MYOF: variants seen among roughly 807,000 people sequenced by gnomAD.
The protein encoded by MYOF is fer-1-like 3, myoferlin.
In MYOF, 244 loss-of-function variants were observed where a neutral mutation model predicts 284.2. The observed-to-expected ratio is 0.86, with a 90% CI of 0.77 to 0.95. The LOEUF (loss-of-function observed/expected upper bound fraction) is 0.95, where lower values mean the gene tolerates loss of function less well. Among genes scored for constraint, MYOF ranks in the 40% least tolerant of loss-of-function variants. The probability of loss-of-function intolerance (pLI) is 0.00; values close to 1 mark genes in which losing one functional copy is unlikely to be tolerated. For synonymous variants in MYOF, 904 were observed against 919.7 expected, an observed-to-expected ratio of 0.98 and a Z score of 0.31; for missense variants, 2,496 against 2,560.6, an observed-to-expected ratio of 0.97 and a Z score of 0.54.
At position 93,374,829 on chromosome 10, in the gene MYOF, T is replaced by C. The variant is rs1033252289; in HGVS notation, c.2235A>G (p.Thr745=). 2.2e-5 allele frequency: 36 copies of C among 1,614,084 alleles called. No individual in the cohort carries two copies. Among genetic ancestry groups the C allele is most frequent in the Non-Finnish European group, 2.9e-5 (34 of 1,180,034 alleles). The change falls in exon 23 of 54, where the codon ACA becomes ACG. Residue 745 remains threonine, a synonymous_variant. Transcript: ENST00000359263. ...EAAVRMRSEA[T]DVKSTLAEIE... is the part of the protein sequence containing the mutation. ...TTTCTGCCAGTGTGGACTTCACATC[T>C]GTGGCTTCCGACCTCATCCTCACAG...
chr10:93,465,533 C>CTTTCCT (rs2056985774), intron 1 of MYOF, among the ~76,000 whole-genome samples: 1 of 53,224 alleles, frequency 1.9e-5, no homozygotes, highest in Non-Finnish European at 4.7e-5. Flanking sequence ...TCTTTTTTTT[C>CTTTCCT]TTTTCTTTTT....
chr10:93,345,936 T>C (rs370634894), intron 37 of MYOF, among the ~76,000 whole-genome samples: 2 of 152,232 alleles, frequency 1.3e-5, no homozygotes, highest in Admixed American at 6.5e-5. Context: ...TCCACGTAAG[T>C]GATTCTGGGG....
At chr10:93,467,679 G>GTATA (rs2057043687) in intron 1 of MYOF, among the ~76,000 whole-genome samples, 3 of 151,860 alleles carry the variant, frequency 2.0e-5, no homozygotes, top group Admixed American at 1.3e-4. Context: ...GCACACGTAT[G>GTATA]TTTATTGCGG....
At chr10:93,348,792 A>G (rs982887472) in intron 36 of MYOF, among the ~76,000 whole-genome samples, 1 of 152,168 alleles carries the variant, frequency 6.6e-6, no homozygotes, top group Non-Finnish European at 1.5e-5. Context: ...CAAGGTGGGC[A>G]TAAGAGAGGT....
intron 2 of MYOF, among the ~76,000 whole-genome samples, chr10:93,452,667 C>T (rs2056627122): frequency 1.3e-5 from 2 of 151,858 alleles, no homozygotes; most frequent in African/African-American, 4.8e-5. Flanking sequence ...AACAAACCTG[C>T]ACTTTGTGCA....
At chr10:93,462,952 C>T (rs552301320) in intron 1 of MYOF, among the ~76,000 whole-genome samples, 29 of 152,118 alleles carry the variant, frequency 1.9e-4, no homozygotes, top group Admixed American at 3.3e-4. Context: ...ATTAAGATGA[C>T]TGTTTCTTCC....
chr10:93,380,448 G>A (rs1036779166), intron 20 of MYOF, among the ~76,000 whole-genome samples: 1 of 152,204 alleles, frequency 6.6e-6, no homozygotes, highest in African/African-American at 2.4e-5. Flanking sequence ...GAGCCTTACT[G>A]TGATTAAGAA....
chr10:93,388,030 C>T (rs918254510), intron 18 of MYOF, 117 bp from the exon 19 acceptor site: 20 of 751,256 alleles, frequency 2.7e-5, no homozygotes, highest in African/African-American at 8.7e-5. Context: ...CCCTAACCTT[C>T]GAAATGAATC....
At chr10:93,307,467 A>T (rs1168556092) in intron 53 of MYOF, among the ~76,000 whole-genome samples, 1 of 151,510 alleles carries the variant, frequency 6.6e-6, no homozygotes, top group Non-Finnish European at 1.5e-5. Context: ...TGCCCAGCTA[A>T]TTTTTTATAT....
Position 93,325,962 on chromosome 10 carries a change from G to C in MYOF, c.5135C>G (p.Ala1712Gly). 6.2e-7 allele frequency: 1 copy of C among 1,614,014 alleles called. No individual in the cohort carries two copies. The highest frequency in any genetic ancestry group is 8.5e-7 in the Non-Finnish European group (1 of 1,179,944). Residue 1712 changes from alanine (A) to glycine (G), a missense_variant, in exon 46 of 54, where the codon GCC (alanine) becomes GGC (glycine). Ala to Gly is a moderately conservative substitution (Grantham distance 60). This residue lies in a region of MYOF where 2,436 missense variants were observed against 2,480.7 expected (regional missense o/e 0.98). Coordinates refer to ENST00000359263, the MANE Select transcript of MYOF (RefSeq NM_013451.4). ...GRDYSLDEFE[A>G]NKILHQHLGA... ...GAGGTGCTGGTGCAGGATTTTGTTG[G>C]CTTCTGCAATGGAAAGCAGCATTGA...
intron 38 of MYOF, among the ~76,000 whole-genome samples, chr10:93,343,052 A>G (rs932729449): frequency 6.6e-6 from 1 of 150,896 alleles, no homozygotes; most frequent in Non-Finnish European, 1.5e-5. Context: ...ATGGAAGTAG[A>G]TTTTTTTTTT....
At chr10:93,307,397 G>A (rs937127974) in intron 53 of MYOF, among the ~76,000 whole-genome samples, 7 of 151,818 alleles carry the variant, frequency 4.6e-5, no homozygotes, top group South Asian at 2.1e-4. Flanking sequence ...CCAGGTTCAC[G>A]CCATGCCATT....
At position 93,343,724 on chromosome 10, in the gene MYOF, G is replaced by T. The variant is rs74743968; in HGVS notation, c.4326+132C>A. On this transcript the variant is annotated intron_variant, in intron 38 of 53. Coordinates refer to ENST00000359263, the MANE Select transcript of MYOF (RefSeq NM_013451.4). ...AGATTTAGACTCTTGTCTGTACTCA[G>T]TCCTCAATAAATGGATTGGCTGATG... 6.1e-5 allele frequency: 54 copies of T among 881,798 alleles called. No homozygotes were observed. The African/African-American group carries it at 8.5e-4, about 14-fold the overall frequency. The allele number at this position is 881,798 out of a possible 1,614,324, so 54.6% of individuals were successfully genotyped here. A position where few individuals can be genotyped will look rare whatever the true frequency, so the allele number is the denominator to read the frequency against.
intron 43 of MYOF, among the ~76,000 whole-genome samples, chr10:93,330,505 C>T (rs948264608): frequency 6.6e-6 from 1 of 152,150 alleles, no homozygotes; most frequent in Non-Finnish European, 1.5e-5. Flanking sequence ...ATGTAGGGTG[C>T]CCCAAAGGCT....
chr10:93,319,908 G>A lies in MYOF; in HGVS notation c.5562C>T (p.Tyr1854=), dbSNP rs746424202. Reference sequence around the variant, plus strand: ...CGATACAGAGTTGTTCGGCTGGAAGGTAGTCAAACGGGAAAACAAATCGCC... The same window carrying A: ...CGATACAGAGTTGTTCGGCTGGAAGATAGTCAAACGGGAAAACAAATCGCC... ...FNWRFVFPFD[Y]LPAEQLCIVA... is the part of the protein sequence containing the mutation. The change falls in exon 49 of 54, where the codon TAC becomes TAT. Residue 1854 remains tyrosine, a synonymous_variant. Coordinates refer to ENST00000359263, the MANE Select transcript of MYOF (RefSeq NM_013451.4). 4 of 1,614,178 alleles carry A rather than the reference G, an allele frequency of 2.5e-6. No homozygotes were observed. The East Asian group carries it at 6.7e-5, about 27-fold the overall frequency.
chr10:93,407,450 G>A (rs1175416246), intron 7 of MYOF, among the ~76,000 whole-genome samples: 76 of 120,638 alleles, frequency 6.3e-4, no homozygotes, highest in African/African-American at 2.2e-3. Flanking sequence ...AAAAAAAAAG[G>A]CCGGGTGTGG....
chr10:93,409,041 C>T (rs1847771191), intron 6 of MYOF, 126 bp from the exon 7 acceptor site: 1 of 1,424,614 alleles, frequency 7.0e-7, no homozygotes, highest in Non-Finnish European at 9.5e-7. Context: ...CAGCTTTGTG[C>T]TATACCAGGT....
Position 93,372,926 on chromosome 10 carries a change from G to A in MYOF, c.2457+4C>T. 3 of 1,614,028 alleles carry A rather than the reference G, an allele frequency of 1.9e-6. No individual in the cohort carries two copies. Among genetic ancestry groups the A allele is most frequent in the South Asian group, 2.2e-5 (2 of 91,072 alleles). On this transcript the variant is annotated splice_donor_region_variant and intron_variant, in intron 24 of 53. Coordinates refer to ENST00000359263, the MANE Select transcript of MYOF (RefSeq NM_013451.4). The stretch of plus-strand genomic sequence containing the variant: ...GTTTCACATGACACAGTGAAGATAT[G>A]TACCTTCAGAAAGATGGTTTGGGTT...
intron 37 of MYOF, 64 bp from the exon 38 acceptor site, chr10:93,343,996 CCAAGTT>C (rs1157659338): frequency 3.2e-6 from 5 of 1,579,704 alleles, no homozygotes; most frequent in African/African-American, 1.3e-5. Flanking sequence ...ACATTCTACT[CCAAGTT>C]CAAGTTTAAC....
Sources: gnomAD v4.1 joint callset for allele counts (sites outside exome capture counted in the v4.1 genomes callset) on GRCh38, gnomAD v4.1.1 for gene constraint, gnomAD v4.1.1 regional missense constraint, MANE v1.5 for transcripts, NCBI Gene and HGNC (gene_info 2026-07-23, HGNC 2026-07-21) for gene names.